ARHGAP31: variants seen among roughly 807,000 people sequenced by gnomAD.
The protein encoded by ARHGAP31 is Rho GTPase activating protein 31, also known as rho GTPase-activating protein 31.
A neutral mutation model predicts 113.9 loss-of-function variants in ARHGAP31; 34 were observed. The observed-to-expected ratio is 0.30, with a 90% CI of 0.23 to 0.40. The LOEUF is 0.40. Ranked by LOEUF, ARHGAP31 falls within the 10% of genes least tolerant of loss-of-function variation. The pLI is 1.00. For synonymous variants in ARHGAP31, 650 were observed against 684.8 expected, an observed-to-expected ratio of 0.95 and a Z score of 0.79; for missense variants, 1,548 against 1,767.1, an observed-to-expected ratio of 0.88 and a Z score of 2.22.
At chr3:119,344,648 G>T (rs948024517) in intron 1 of ARHGAP31, among the ~76,000 whole-genome samples, 10 of 152,146 alleles carry the variant, frequency 6.6e-5, no homozygotes, top group Admixed American at 5.2e-4. Context: ...TGTTTTATTT[G>T]TTTGTTTGTT....
intron 2 of ARHGAP31, 65 bp from the exon 3 acceptor site, chr3:119,368,307 A>T (rs1304064703): frequency 6.3e-7 from 1 of 1,592,494 alleles, no homozygotes; most frequent in Non-Finnish European, 8.6e-7. Context: ...CTAAGCAGCC[A>T]AGCAGCTGCT....
intron 1 of ARHGAP31, among the ~76,000 whole-genome samples, chr3:119,362,505 C>T (rs187424351): frequency 1.1e-4 from 16 of 152,298 alleles, no homozygotes; most frequent in African/African-American, 2.6e-4. Context: ...AGGTGGCTCA[C>T]GCCTGTAATC....
chr3:119,417,760 G>A lies in ARHGAP31; in HGVS notation c.*1496G>A, dbSNP rs536788776. ...AATGGTTCTTTCCTTTCCAGCTGGC[G>A]AGAGAAAGGAGAACTAATATACCTG... On this transcript the variant is annotated 3_prime_UTR_variant, in exon 12 of 12. Transcript: ENST00000264245. The A allele has an allele frequency of 3.9e-5, 6 of 152,120 alleles. No individual in the cohort carries two copies. The highest frequency in any genetic ancestry group is 5.9e-5 in the Non-Finnish European group (4 of 68,026). The allele number at this position is 152,120 out of a possible 1,614,324, so 9.4% of individuals were successfully genotyped here.
At chr3:119,330,097 C>G in intron 1 of ARHGAP31, 1 of 823,054 alleles carries the variant, frequency 1.2e-6, no homozygotes, top group Non-Finnish European at 1.5e-6. Flanking sequence ...ATCTAATCAC[C>G]CCAATTAGTG....
chr3:119,308,576 A>G (rs1303973936), intron 1 of ARHGAP31, among the ~76,000 whole-genome samples: 2 of 152,222 alleles, frequency 1.3e-5, no homozygotes, highest in Non-Finnish European at 2.9e-5. Flanking sequence ...TCTGCTTTCA[A>G]TGACTCATGT....
chr3:119,393,563 T>G lies in ARHGAP31; in HGVS notation c.978T>G (p.Ser326Arg). Residue 326 changes from serine to arginine, a missense_variant, in exon 8 of 12, where the codon AGT (serine) becomes AGG (arginine). Ser to Arg is a moderately radical substitution (Grantham distance 110). Coordinates refer to ENST00000264245, the MANE Select transcript of ARHGAP31 (RefSeq NM_020754.4). ...DSKSKLSRNG[S>R]VFVRGQRLSV... Reference sequence around the variant, plus strand: ...AATCAAAACTGAGTAGAAATGGGAGTGTATTTGTGAGAGGACAGAGGCTCT... The same window carrying G: ...AATCAAAACTGAGTAGAAATGGGAGGGTATTTGTGAGAGGACAGAGGCTCT... The G allele has an allele frequency of 6.2e-7, 1 of 1,613,942 alleles. No homozygotes were observed. Among genetic ancestry groups the G allele is most frequent in the East Asian group, 2.2e-5 (1 of 44,852 alleles).
intron 1 of ARHGAP31, among the ~76,000 whole-genome samples, chr3:119,321,234 C>T (rs182381126): frequency 1.7e-3 from 236 of 138,554 alleles, no homozygotes; most frequent in African/African-American, 5.8e-3. Flanking sequence ...TTCACCCAGG[C>T]CCGGTGATTT....
intron 5 of ARHGAP31, among the ~76,000 whole-genome samples, 153 bp from the exon 6 acceptor site, chr3:119,382,931 A>T (rs1308580557): frequency 6.6e-6 from 1 of 152,216 alleles, no homozygotes; most frequent in Non-Finnish European, 1.5e-5. Context: ...CAGCCTTTGG[A>T]GAGTTCCTTT....
intron 1 of ARHGAP31, among the ~76,000 whole-genome samples, chr3:119,333,628 T>C (rs1304994774): frequency 6.6e-6 from 1 of 152,212 alleles, no homozygotes; most frequent in African/African-American, 2.4e-5. Context: ...CCCCACACTT[T>C]TCCTTCCCAA....
At chr3:119,397,450 A>G (rs1183178859) in intron 8 of ARHGAP31, among the ~76,000 whole-genome samples, 1 of 152,260 alleles carries the variant, frequency 6.6e-6, no homozygotes, top group Non-Finnish European at 1.5e-5. Flanking sequence ...TGCATGTCCT[A>G]GAATACACAA....
At chr3:119,388,859 G>C (rs1159360948) in intron 6 of ARHGAP31, among the ~76,000 whole-genome samples, 1 of 152,180 alleles carries the variant, frequency 6.6e-6, no homozygotes, top group African/African-American at 2.4e-5. Flanking sequence ...TGTAAAGTTA[G>C]AGATGCCTAA....
intron 1 of ARHGAP31, among the ~76,000 whole-genome samples, chr3:119,300,896 G>T (rs917095553): frequency 6.6e-6 from 1 of 151,880 alleles, no homozygotes; most frequent in Non-Finnish European, 1.5e-5. Flanking sequence ...GCTGAGTCCA[G>T]CAGAGCTGAA....
chr3:119,326,579 G>A (rs2107605154), intron 1 of ARHGAP31, among the ~76,000 whole-genome samples: 1 of 152,342 alleles, frequency 6.6e-6, no homozygotes, highest in East Asian at 1.9e-4. Flanking sequence ...CAGTATAACT[G>A]ATGGGGAGAA....
chr3:119,330,524 A>C (rs925825100), intron 1 of ARHGAP31, among the ~76,000 whole-genome samples: 1 of 152,208 alleles, frequency 6.6e-6, no homozygotes, highest in Non-Finnish European at 1.5e-5. Context: ...TTTACAGTGT[A>C]GATGGTTTCT....
At chr3:119,404,821 A>G (rs908616457) in intron 10 of ARHGAP31, among the ~76,000 whole-genome samples, 11 of 152,226 alleles carry the variant, frequency 7.2e-5, no homozygotes, top group African/African-American at 2.4e-4. Flanking sequence ...TAATCAATGT[A>G]ATCATCATGG....
At chr3:119,316,469 T>C (rs1306159785) in intron 1 of ARHGAP31, among the ~76,000 whole-genome samples, 4 of 152,152 alleles carry the variant, frequency 2.6e-5, no homozygotes, top group African/African-American at 9.7e-5. Context: ...CCCTGTCCTG[T>C]GTAGGGTACA....
At chr3:119,385,885 G>A (rs1308251091) in intron 6 of ARHGAP31, among the ~76,000 whole-genome samples, 1 of 152,198 alleles carries the variant, frequency 6.6e-6, no homozygotes, top group African/African-American at 2.4e-5. Flanking sequence ...AAATCATTGT[G>A]GAGAACTAGG....
At chr3:119,401,530 C>A (rs1232969060) in intron 9 of ARHGAP31, among the ~76,000 whole-genome samples, 1 of 152,108 alleles carries the variant, frequency 6.6e-6, no homozygotes, top group Non-Finnish European at 1.5e-5. Context: ...TGTTTAGCAA[C>A]TTTAGCAGTA....
intron 1 of ARHGAP31, among the ~76,000 whole-genome samples, chr3:119,302,668 C>T (rs1400747597): frequency 6.6e-6 from 1 of 152,150 alleles, no homozygotes; most frequent in African/African-American, 2.4e-5. Flanking sequence ...AGTGATTTAA[C>T]CAAGTGATGC....
Sources: allele counts gnomAD v4.1 joint callset (sites outside exome capture counted in the v4.1 genomes callset), GRCh38; gene constraint gnomAD v4.1.1; transcripts MANE v1.5; gene names NCBI Gene and HGNC (gene_info 2026-07-23, HGNC 2026-07-21).